Variants in NUP210 observed in about 807,000 individuals in gnomAD.
The protein encoded by NUP210 is nuclear pore membrane glycoprotein 210.
A neutral mutation model predicts 196.0 loss-of-function variants in NUP210; 151 were observed. The ratio of observed to expected loss-of-function variants is 0.77; its 90% CI spans 0.67 to 0.88. The LOEUF is 0.88. NUP210 is among the 40% of genes least tolerant of loss of function. The probability of loss-of-function intolerance (pLI) is 0.00; values close to 1 mark genes in which losing one functional copy is unlikely to be tolerated. For synonymous variants in NUP210, 1,070 were observed against 1,052.7 expected (o/e 1.02, Z -0.32); for missense variants, 2,314 against 2,493.7 (o/e 0.93, Z 1.53).
chr3:13,361,755 A>T (rs1489124609), intron 14 of NUP210, among the ~76,000 whole-genome samples: 1 of 152,078 alleles, frequency 6.6e-6, no homozygotes, highest in Non-Finnish European at 1.5e-5. Flanking sequence ...TGTGCATTAA[A>T]CTATTCCACG....
chr3:13,392,562 A>C (rs1303647947), intron 3 of NUP210, among the ~76,000 whole-genome samples: 1 of 152,262 alleles, frequency 6.6e-6, no homozygotes, highest in Non-Finnish European at 1.5e-5. Context: ...CCAGCGAAGC[A>C]CATCGGCTGC....
At chr3:13,413,326 C>T (rs58336762) in intron 1 of NUP210, among the ~76,000 whole-genome samples, 33,588 of 151,646 alleles carry the variant, frequency 0.22, 5,817 homozygotes, top group African/African-American at 0.49. Flanking sequence ...AAAAGTTAGC[C>T]GGGCGTGGTG....
At chr3:13,325,984 C>A in intron 32 of NUP210, 53 bp from the exon 33 acceptor site, 2 of 1,597,422 alleles carry the variant, frequency 1.3e-6, no homozygotes, top group South Asian at 2.2e-5. Flanking sequence ...ACACTCCAGT[C>A]AAAGCCCAGC....
intron 6 of NUP210, among the ~76,000 whole-genome samples, chr3:13,385,617 C>A (rs968334500): frequency 6.6e-6 from 1 of 152,260 alleles, no homozygotes; most frequent in African/African-American, 2.4e-5. Flanking sequence ...CAGTTGCAGA[C>A]CGGGGCAAAG....
chr3:13,420,134 G>C lies in NUP210; in HGVS notation c.93C>G (p.Pro31=). The C allele has an allele frequency of 7.4e-7, 1 of 1,348,238 alleles. No homozygotes were observed. Among genetic ancestry groups the C allele is most frequent in the East Asian group, 3.4e-5 (1 of 29,500 alleles). The allele number at this position is 1,348,238 out of a possible 1,614,324, so 83.5% of individuals were successfully genotyped here. A position where few individuals can be genotyped will look rare whatever the true frequency, so the allele number is the denominator to read the frequency against. ...CCCGCGTGAAGGGCAGCAGCACTTT[G>C]GGGATGTTGAGCTTGGCCGCAGCGG... is the stretch of plus-strand genomic sequence containing the variant. The part of the protein sequence containing the change: ...PSAAAAKLNI[P]KVLLPFTRAT... The change falls in exon 1 of 40, where the codon CCC becomes CCG. Residue 31 remains proline, a synonymous_variant. Coordinates refer to ENST00000254508, the MANE Select transcript of NUP210 (RefSeq NM_024923.4). The surrounding 1 kb of genome is among the most constrained non-coding windows in gnomAD (Gnocchi z 4.8).
chr3:13,348,675 G>A lies in NUP210; in HGVS notation c.2835+3204C>T, dbSNP rs575649323. The A allele has an allele frequency of 4.5e-5, 44 of 985,338 alleles. No individual in the cohort carries two copies. In the South Asian group the frequency reaches 7.5e-4, roughly 17 times the overall value. 61.0% of individuals were successfully genotyped at this position (985,338 alleles called of 1,614,324 possible). A position where few individuals can be genotyped will look rare whatever the true frequency, so the allele number is the denominator to read the frequency against. On this transcript the variant is annotated intron_variant, in intron 20 of 39. Coordinates refer to ENST00000254508, the MANE Select transcript of NUP210 (RefSeq NM_024923.4). The surrounding 1 kb of genome is among the most constrained non-coding windows in gnomAD (Gnocchi z 4.0). ...CGCTGCTTGTGGTCTCAGGCTCCTC[G>A]CCTCCTCCAGTGTCCTCCAACCACA...
At chr3:13,338,116 T>C (rs1324108218) in intron 25 of NUP210, among the ~76,000 whole-genome samples, 199 bp from the exon 26 acceptor site, 1 of 152,154 alleles carries the variant, frequency 6.6e-6, no homozygotes, top group Non-Finnish European at 1.5e-5. Context: ...AGCCACTGCC[T>C]CTCCCAAGGC....
At chr3:13,344,839 G>A in intron 20 of NUP210, 1 of 785,478 alleles carries the variant, frequency 1.3e-6, no homozygotes, top group Non-Finnish European at 1.5e-6. Context: ...TTAAAGACCT[G>A]GACTCTTTCC....
rs768598156 is a variant in NUP210 at position 13,386,391 on chromosome 3, T to A, written c.701A>T (p.Glu234Val). The part of the protein sequence containing the change: ...EAVYKNVRPA[E>V]VRLLILENIL... ...GTTTTCCAAAATCAGCAGCCTGACT[T>A]CTGCAGGGCGTACATTCTTGGCATA... Residue 234 changes from glutamate (E) to valine (V), a missense_variant, in exon 6 of 40, where the codon GAA becomes GTA. By Grantham distance (121) the Glu-to-Val change is moderately radical. Coordinates refer to ENST00000254508, the MANE Select transcript of NUP210 (RefSeq NM_024923.4). 1.6e-5 allele frequency: 26 copies of A among 1,614,170 alleles called. No individual in the cohort carries two copies. In the South Asian group the frequency reaches 2.7e-4, roughly 17 times the overall value.
rs514084 is a variant in NUP210 at position 13,323,376 on chromosome 3, G to A, written c.4701C>T (p.Thr1567=). 79 of 1,613,704 alleles carry A rather than the reference G, an allele frequency of 4.9e-5. No homozygotes were observed. The highest frequency in any genetic ancestry group is 6.5e-5 in the Non-Finnish European group (77 of 1,179,956). Reference sequence around the variant, plus strand: ...TGGAGGCTGTAGCCTCCTGGAAGCTGGTCTGGATGGGGTGGAGGTGACGGG... The same window carrying A: ...TGGAGGCTGTAGCCTCCTGGAAGCTAGTCTGGATGGGGTGGAGGTGACGGG... ...IMARHLHPIQ[T]SFQEATASKV... The change falls in exon 34 of 40, where the codon ACC becomes ACT. Residue 1567 remains threonine (T), a synonymous_variant. Transcript: ENST00000254508. This position sits in a 1 kb window ranked among gnomAD's most constrained non-coding sequence, Gnocchi z 4.3.
chr3:13,363,845 A>G (rs896896538), intron 14 of NUP210, among the ~76,000 whole-genome samples: 2 of 152,144 alleles, frequency 1.3e-5, no homozygotes, highest in African/African-American at 4.8e-5. Flanking sequence ...CAGGACTGTG[A>G]GCTCAGCTTC....
intron 32 of NUP210, 71 bp downstream of exon 32, chr3:13,327,146 C>G: frequency 7.8e-7 from 1 of 1,277,594 alleles, no homozygotes; most frequent in Non-Finnish European, 1.1e-6. Context: ...GAGCCCCTGC[C>G]CAGGTAGCCC....
chr3:13,317,709 A>T lies in NUP210; in HGVS notation c.5636T>A (p.Leu1879Gln). 6.2e-7 allele frequency: 1 copy of T among 1,611,072 alleles called. No homozygotes were observed. The change falls in exon 40 of 40, where the codon CTG becomes CAG. Residue 1879 changes from leucine (L) to glutamine (Q), a missense_variant. By Grantham distance (113) the Leu-to-Gln change is moderately radical (BLOSUM62 -2). Coordinates refer to ENST00000254508, the MANE Select transcript of NUP210 (RefSeq NM_024923.4). ...PARKASPPSG[L>Q]WSPAYASH ...GTGGGAGGCATAGGCTGGGCTCCAC[A>T]GCCCTGAGGGAGGGCTGGCTTTGCG...
intron 3 of NUP210, among the ~76,000 whole-genome samples, chr3:13,396,334 G>T (rs1253406145): frequency 2.0e-5 from 3 of 152,176 alleles, no homozygotes; most frequent in Admixed American, 2.0e-4. Context: ...AGCTAGAGTT[G>T]TCAGAAAAGG....
chr3:13,390,535 T>C (rs1423688152), intron 4 of NUP210, among the ~76,000 whole-genome samples: 8 of 152,232 alleles, frequency 5.3e-5, no homozygotes, highest in Non-Finnish European at 1.0e-4. Context: ...TCTTAGGAAC[T>C]GAACTGCTCA....
At chr3:13,407,814 T>TGG (rs1700046812) in intron 1 of NUP210, among the ~76,000 whole-genome samples, 1 of 152,180 alleles carries the variant, frequency 6.6e-6, no homozygotes, top group Admixed American at 6.6e-5. Flanking sequence ...CCATAAATAC[T>TGG]GGGCTATTAG....
Position 13,332,280 on chromosome 3 carries a change from C to A in NUP210, c.3935+13G>T. ...CGCACAACTTTGCTGGAAACAAGAG[C>A]TGAGTCACGTACCTGTTTGTCTGCA... On this transcript the variant is annotated intron_variant, in intron 29 of 39. Transcript: ENST00000254508. 6.2e-7 allele frequency: 1 copy of A among 1,607,400 alleles called. No homozygotes were observed. Among genetic ancestry groups the A allele is most frequent in the Non-Finnish European group, 8.5e-7 (1 of 1,173,954 alleles).
chr3:13,379,426 C>T lies in NUP210; in HGVS notation c.976+137G>A. 8.8e-7 allele frequency: 1 copy of T among 1,141,488 alleles called. No homozygotes were observed. Among genetic ancestry groups the T allele is most frequent in the Non-Finnish European group, 1.3e-6 (1 of 775,794 alleles). The allele number at this position is 1,141,488 out of a possible 1,614,324, so 70.7% of individuals were successfully genotyped here. On this transcript the variant is annotated intron_variant, in intron 7 of 39. Transcript: ENST00000254508. The surrounding 1 kb of genome is among the most constrained non-coding windows in gnomAD (Gnocchi z 4.2). The stretch of plus-strand genomic sequence containing the variant: ...GCAATTCCACTCAGCAGTGCTATTT[C>T]AGTTCTTTCTGATTTTCAGACCGTT...
intron 29 of NUP210, 112 bp downstream of exon 29, chr3:13,332,181 A>C: frequency 1.2e-6 from 1 of 803,100 alleles, no homozygotes; most frequent in Admixed American, 1.8e-5. Flanking sequence ...CAAGCACAGC[A>C]GGAGAAAACC....
Sources: allele counts gnomAD v4.1 joint callset (sites outside exome capture counted in the v4.1 genomes callset), GRCh38; gene constraint gnomAD v4.1.1; non-coding constraint Gnocchi (gnomAD v3.1); transcripts MANE v1.5; gene names NCBI Gene and HGNC (gene_info 2026-07-23, HGNC 2026-07-21).